ADAM9: variants seen among roughly 807,000 people sequenced by gnomAD.
The protein encoded by ADAM9 is ADAM metallopeptidase domain 9, also known as disintegrin and metalloproteinase domain-containing protein 9.
In ADAM9, 54 loss-of-function variants were observed where a neutral mutation model predicts 108.1. The ratio of observed to expected loss-of-function variants is 0.50; its 90% CI spans 0.40 to 0.63. The LOEUF (loss-of-function observed/expected upper bound fraction) is 0.63, where lower values mean the gene tolerates loss of function less well. Among genes scored for constraint, ADAM9 ranks in the 20% least tolerant of loss-of-function variants. The probability of loss-of-function intolerance (pLI) is 0.00; values close to 1 mark genes in which losing one functional copy is unlikely to be tolerated. For synonymous variants in ADAM9, 316 were observed against 336.0 expected, an observed-to-expected ratio of 0.94 and a Z score of 0.65; for missense variants, 830 against 997.7, an observed-to-expected ratio of 0.83 and a Z score of 2.26.
chr8:39,034,131 AAT>A (rs551818880), intron 11 of ADAM9, among the ~76,000 whole-genome samples: 79 of 152,272 alleles, frequency 5.2e-4, no homozygotes, highest in Non-Finnish European at 8.8e-4. Flanking sequence ...AGGCCTAAGC[AAT>A]CCTCCCACCT....
intron 13 of ADAM9, among the ~76,000 whole-genome samples, chr8:39,055,009 T>C (rs1314325102): frequency 1.3e-5 from 2 of 152,130 alleles, no homozygotes; most frequent in Admixed American, 6.5e-5. Context: ...ACTACCTGCT[T>C]TTTTCAATAT....
intron 3 of ADAM9, among the ~76,000 whole-genome samples, chr8:39,012,515 T>C (rs1265818608): frequency 3.5e-4 from 54 of 152,252 alleles, no homozygotes; most frequent in Admixed American, 3.3e-3. Flanking sequence ...ATTGCGGCAC[T>C]ATTCACAATA....
intron 14 of ADAM9, among the ~76,000 whole-genome samples, chr8:39,066,772 A>C (rs1838492335): frequency 6.6e-6 from 1 of 152,042 alleles, no homozygotes. Context: ...CCTATTTGTC[A>C]ATTTTGGCTT....
rs752653929 is a variant in ADAM9, at chr8:39,023,351, T to C, written c.914+26T>C. On this transcript the variant is annotated intron_variant, in intron 9 of 21. Transcript: ENST00000487273. The stretch of plus-strand genomic sequence containing the variant: ...GTAAGTATTTTTTTTTTAAGTACTA[T>C]TAATGAAATAATCAAAATAATAATT... The C allele has an allele frequency of 9.4e-5, 149 of 1,584,462 alleles. 3 individuals carry two copies. The South Asian group carries it at 1.5e-3, about 16-fold the overall frequency.
chr8:39,045,303 CATGTGTGTGTACACCTATACAT>C lies in ADAM9; in HGVS notation c.1302+3187_1302+3208del, dbSNP rs1207574701. Among the ~76,000 whole-genome samples the C allele has an allele frequency of 3.9e-5, 4 of 102,044 alleles. 1 individual carries two copies. The highest frequency in any genetic ancestry group is 1.7e-4 in the African/African-American group (4 of 23,996). 66.9% of individuals were successfully genotyped at this position (102,044 alleles called of 152,430 possible). On this transcript the variant is annotated intron_variant, in intron 12 of 21. Transcript: ENST00000487273. ...ATGTATATGTGTGTGTACACCTATA[CATGTGTGTGTACACCTATACAT>C]GTGTGTGTACACCTATACATGTGTG...
chr8:39,011,597 ATGT>A (rs2129432455), intron 2 of ADAM9, 58 bp from the exon 3 acceptor site: 3 of 1,436,336 alleles, frequency 2.1e-6, no homozygotes, highest in South Asian at 2.3e-5. Context: ...TATAAATGAG[ATGT>A]TGTTGAAAAG....
At chr8:39,103,241 A>C (rs923554375) in intron 21 of ADAM9, among the ~76,000 whole-genome samples, 1 of 152,214 alleles carries the variant, frequency 6.6e-6, no homozygotes, top group Admixed American at 6.5e-5. Context: ...CACCAGCAGT[A>C]ATTTGCTGCC....
intron 18 of ADAM9, among the ~76,000 whole-genome samples, chr8:39,084,217 T>A (rs1157860435): frequency 1.3e-5 from 2 of 152,148 alleles, no homozygotes; most frequent in African/African-American, 4.8e-5. Context: ...ATGTCACTGA[T>A]TCAAGTATTC....
At position 39,023,288 on chromosome 8, in the gene ADAM9, A is replaced by C; in HGVS notation, c.877A>C (p.Ile293Leu). 1 of 1,613,350 alleles carries C rather than the reference A, an allele frequency of 6.2e-7. No individual in the cohort carries two copies. The highest frequency in any genetic ancestry group is 8.5e-7 in the Non-Finnish European group (1 of 1,179,672). The change falls in exon 9 of 22, where the codon ATC (isoleucine) becomes CTC (leucine). Residue 293 changes from isoleucine (I) to leucine (L), a missense_variant. Physicochemically the swap from Ile to Leu is conservative, Grantham distance 5. This residue lies in a region of ADAM9 where 381 missense variants were observed against 539.8 expected (regional missense o/e 0.71). Coordinates refer to ENST00000487273, the MANE Select transcript of ADAM9 (RefSeq NM_003816.3). ...NFVQWREKFL[I>L]TRRRHDSAQL... ...CGTGCAGTGGCGGGAAAAGTTTCTT[A>C]TCACACGTCGGAGACATGACAGTGC...
At chr8:39,004,695 G>A (rs1233318098) in intron 1 of ADAM9, among the ~76,000 whole-genome samples, 1 of 152,208 alleles carries the variant, frequency 6.6e-6, no homozygotes, top group Admixed American at 6.5e-5. Context: ...CAAACAAGGG[G>A]TGGATTATTC....
At chr8:39,094,092 A>G (rs1726307478) in intron 20 of ADAM9, among the ~76,000 whole-genome samples, 1 of 152,108 alleles carries the variant, frequency 6.6e-6, no homozygotes, top group South Asian at 2.1e-4. Context: ...TTTCTATACA[A>G]ATTTGTTGAG....
At chr8:39,018,820 CT>C in intron 6 of ADAM9, 32 bp from the exon 7 acceptor site, 1 of 1,603,770 alleles carries the variant, frequency 6.2e-7, no homozygotes. Context: ...TTATAACTTC[CT>C]TTTGCCTTTA....
In ADAM9 at chr8:39,014,001, C is replaced by T. The variant is rs753572901; in HGVS notation, c.291C>T (p.Tyr97=). The part of the protein sequence containing the change: ...LLPEDFVVYT[Y]NKEGTLITDH... ...CTGAAGATTTTGTGGTTTATACTTACAACAAGGAAGGGACTTTAATCACTG... is the reference window on the plus strand; with the variant it reads ...CTGAAGATTTTGTGGTTTATACTTATAACAAGGAAGGGACTTTAATCACTG... Residue 97 remains tyrosine, a synonymous_variant, in exon 4 of 22, where the codon TAC becomes TAT. Coordinates refer to ENST00000487273, the MANE Select transcript of ADAM9 (RefSeq NM_003816.3). 1.2e-6 allele frequency: 2 copies of T among 1,613,494 alleles called. No individual in the cohort carries two copies. Among genetic ancestry groups the T allele is most frequent in the African/African-American group, 1.3e-5 (1 of 74,838 alleles).
chr8:39,002,493 AT>A (rs1375119196), intron 1 of ADAM9, among the ~76,000 whole-genome samples: 83 of 147,676 alleles, frequency 5.6e-4, no homozygotes, highest in Non-Finnish European at 9.5e-4. Flanking sequence ...TAATTTTTGT[AT>A]TTTTTTTTAG....
chr8:39,028,247 A>G (rs1008838047), intron 11 of ADAM9, among the ~76,000 whole-genome samples: 14 of 152,214 alleles, frequency 9.2e-5, no homozygotes, highest in South Asian at 2.1e-4. Flanking sequence ...AGACAATTTC[A>G]ATCACATGCT....
intron 1 of ADAM9, among the ~76,000 whole-genome samples, chr8:39,006,224 G>A (rs1836156488): frequency 6.6e-6 from 1 of 152,142 alleles, no homozygotes. Context: ...CTCCAGTTGT[G>A]TCCTGTGCAA....
rs1446295407 is a variant in ADAM9, at chr8:39,084,351, TACAG to T, written c.2068+1282_2068+1285del. On this transcript the variant is annotated intron_variant, in intron 18 of 21. Coordinates refer to ENST00000487273, the MANE Select transcript of ADAM9 (RefSeq NM_003816.3). ...AGGTCATCTTTTTTTTTTTTTCTGA[TACAG>T]ACATTTTATTGCTATCAGTTTTCCT... 5.9e-5 allele frequency among the ~76,000 whole-genome samples: 9 copies of T among 151,564 alleles called. No individual in the cohort carries two copies. The East Asian group carries it at 1.3e-3, about 23-fold the overall frequency.
intron 14 of ADAM9, among the ~76,000 whole-genome samples, chr8:39,058,963 C>T (rs1240207525): frequency 1.3e-5 from 2 of 152,162 alleles, no homozygotes; most frequent in African/African-American, 4.8e-5. Flanking sequence ...TGCCCCAGCA[C>T]TGTAAGGTAT....
intron 18 of ADAM9, among the ~76,000 whole-genome samples, chr8:39,086,956 G>T (rs1017284035): frequency 3.3e-5 from 5 of 152,196 alleles, no homozygotes; most frequent in African/African-American, 1.2e-4. Flanking sequence ...TGTGTGAGCT[G>T]TGGGGCTTAT....
Sources: allele counts gnomAD v4.1 joint callset (sites outside exome capture counted in the v4.1 genomes callset), GRCh38; gene constraint gnomAD v4.1.1; regional missense constraint gnomAD v4.1.1; transcripts MANE v1.5; gene names NCBI Gene and HGNC (gene_info 2026-07-23, HGNC 2026-07-21).